Variants in JAZF1 observed in about 807,000 individuals in gnomAD.
The protein encoded by JAZF1 is juxtaposed with another zinc finger protein 1.
A neutral mutation model predicts 26.4 loss-of-function variants in JAZF1; 8 were observed. That is an observed-to-expected ratio of 0.30 (90% CI 0.18 to 0.55). The LOEUF is 0.55. Ranked by LOEUF, JAZF1 falls within the 20% of genes least tolerant of loss-of-function variation. JAZF1 has a pLI of 0.94. For missense variants in JAZF1, 199 were observed against 322.0 expected (o/e 0.62, Z 2.92); for synonymous variants, 126 against 122.3 (o/e 1.03, Z -0.20).
chr7:27,970,031 T>A (rs1562544056), intron 2 of JAZF1, among the ~76,000 whole-genome samples: 1 of 151,490 alleles, frequency 6.6e-6, no homozygotes, highest in African/African-American at 2.4e-5. Context: ...TAAAAAATAG[T>A]GGTAAGAGCA....
chr7:28,013,597 G>C (rs1782835110), intron 1 of JAZF1, among the ~76,000 whole-genome samples: 1 of 152,114 alleles, frequency 6.6e-6, no homozygotes, highest in South Asian at 2.1e-4. Flanking sequence ...CACGCTTCTA[G>C]AACCACGGCA....
intron 1 of JAZF1, among the ~76,000 whole-genome samples, chr7:28,073,254 C>T (rs571691168): frequency 5.3e-5 from 8 of 152,324 alleles, no homozygotes. Context: ...CGGAGCGTGG[C>T]TGGAGACCTG....
At chr7:27,943,477 G>A (rs894058674) in intron 2 of JAZF1, among the ~76,000 whole-genome samples, 4 of 152,176 alleles carry the variant, frequency 2.6e-5, no homozygotes, top group Non-Finnish European at 5.9e-5. Context: ...AAAGGAATGC[G>A]ATCATTTCCG....
At chr7:28,100,248 TA>T (rs1290905524) in intron 1 of JAZF1, among the ~76,000 whole-genome samples, 1 of 152,176 alleles carries the variant, frequency 6.6e-6, no homozygotes, top group East Asian at 1.9e-4. Flanking sequence ...CCAGGATTAC[TA>T]AACCAATACA....
At chr7:28,097,841 C>T (rs1784409082) in intron 1 of JAZF1, among the ~76,000 whole-genome samples, 1 of 152,198 alleles carries the variant, frequency 6.6e-6, no homozygotes, top group African/African-American at 2.4e-5. Context: ...AATGCCATGA[C>T]TCCCAGCAGC....
At chr7:28,174,534 C>T (rs1783519640) in intron 1 of JAZF1, among the ~76,000 whole-genome samples, 1 of 152,188 alleles carries the variant, frequency 6.6e-6, no homozygotes, top group Admixed American at 6.5e-5. Flanking sequence ...TAAAGGAAAC[C>T]ATTTTCTGAA....
chr7:27,893,514 C>T lies in JAZF1; in HGVS notation c.385+1706G>A, dbSNP rs532059646. 3.9e-5 allele frequency among the ~76,000 whole-genome samples: 6 copies of T among 152,322 alleles called. 1 individual carries two copies. The South Asian group carries it at 1.2e-3, about 32-fold the overall frequency. ...GGGGACCTGCCAGGCTGTCCCCCTC[C>T]ATGGAGCCTTTGCAGAATGTTCCCT... On this transcript the variant is annotated intron_variant, in intron 3 of 4. Transcript: ENST00000283928.
chr7:28,002,538 C>G (rs553279930), intron 1 of JAZF1, among the ~76,000 whole-genome samples: 1 of 152,234 alleles, frequency 6.6e-6, no homozygotes, highest in East Asian at 1.9e-4. Context: ...TCCTTTCACC[C>G]TAGGGTTGAA....
intron 2 of JAZF1, among the ~76,000 whole-genome samples, chr7:27,900,591 T>C (rs1317938807): frequency 6.6e-6 from 1 of 152,194 alleles, no homozygotes; most frequent in African/African-American, 2.4e-5. Context: ...CAGTACACCT[T>C]CTAGTGATTA....
intron 1 of JAZF1, among the ~76,000 whole-genome samples, chr7:28,047,153 T>C (rs2128378834): frequency 6.6e-6 from 1 of 152,294 alleles, no homozygotes; most frequent in South Asian, 2.1e-4. Flanking sequence ...ACACTATATA[T>C]TAAATATCCC....
Position 28,000,627 on chromosome 7 carries a change from T to C in JAZF1, c.116-8646A>G, listed in dbSNP as rs1443837156. ...CTTTCTTTCTTTCTTTCTTTCTTTT[T>C]TTTTTTTTTTTTTGAGACAAGAGTC... On this transcript the variant is annotated intron_variant, in intron 1 of 4. Coordinates refer to ENST00000283928, the MANE Select transcript of JAZF1 (RefSeq NM_175061.4). Among the ~76,000 whole-genome samples, 28 of 143,774 alleles carry C rather than the reference T, an allele frequency of 1.9e-4. No homozygotes were observed. The East Asian group carries it at 3.5e-3, about 18-fold the overall frequency. The allele number at this position is 143,774 out of a possible 152,430, so 94.3% of individuals were successfully genotyped here. A position where few individuals can be genotyped will look rare whatever the true frequency, so the allele number is the denominator to read the frequency against.
intron 1 of JAZF1, among the ~76,000 whole-genome samples, chr7:28,117,003 T>C (rs1231780491): frequency 1.3e-5 from 2 of 152,090 alleles, no homozygotes; most frequent in East Asian, 1.9e-4. Flanking sequence ...TTTGCATTTT[T>C]AGTAGAGGCA....
intron 1 of JAZF1, among the ~76,000 whole-genome samples, chr7:28,123,140 A>T (rs182202687): frequency 1.3e-5 from 2 of 151,370 alleles, no homozygotes; most frequent in South Asian, 4.2e-4. Context: ...CCTTTTCTTC[A>T]TTGCTTCCAT....
chr7:28,037,678 T>A (rs1358434728), intron 1 of JAZF1, among the ~76,000 whole-genome samples: 1 of 152,198 alleles, frequency 6.6e-6, no homozygotes, highest in Non-Finnish European at 1.5e-5. Context: ...TGGGCTCAGG[T>A]TGAACACACT....
At chr7:28,069,495 T>C (rs1204921320) in intron 1 of JAZF1, among the ~76,000 whole-genome samples, 1 of 152,158 alleles carries the variant, frequency 6.6e-6, no homozygotes, top group African/African-American at 2.4e-5. Context: ...GCCTGCTCCC[T>C]AGCATTAAGA....
intron 2 of JAZF1, among the ~76,000 whole-genome samples, chr7:27,899,170 A>G (rs188057411): frequency 1.3e-5 from 2 of 152,356 alleles, no homozygotes; most frequent in East Asian, 3.9e-4. Flanking sequence ...CTGTCTGTCA[A>G]AAGGTGGGCA....
intron 1 of JAZF1, among the ~76,000 whole-genome samples, chr7:28,103,740 A>T (rs1441235325): frequency 1.3e-5 from 2 of 151,826 alleles, no homozygotes; most frequent in Non-Finnish European, 2.9e-5. Flanking sequence ...CCACCTTCAC[A>T]ACTACCACCT....
At position 28,100,409 on chromosome 7, in the gene JAZF1, G is replaced by C. The variant is rs1270079220; in HGVS notation, c.115+80054C>G. Among the ~76,000 whole-genome samples, 4 of 151,908 alleles carry C rather than the reference G, an allele frequency of 2.6e-5. No homozygotes were observed. The South Asian group carries it at 8.3e-4, about 32-fold the overall frequency. ...TTTCAAACTACTGATTGTTCAGGTA[G>C]AGCATATATATATACATATATATAT... On this transcript the variant is annotated intron_variant, in intron 1 of 4. Transcript: ENST00000283928.
chr7:27,953,922 C>G lies in JAZF1; in HGVS notation c.188+37987G>C, dbSNP rs569669929. Among the ~76,000 whole-genome samples, 9 of 152,288 alleles carry G rather than the reference C, an allele frequency of 5.9e-5. No individual in the cohort carries two copies. The South Asian group carries it at 1.9e-3, about 32-fold the overall frequency. On this transcript the variant is annotated intron_variant, in intron 2 of 4. Transcript: ENST00000283928. ...TCAGAGAAGCCACAGTGACAGTATT[C>G]ACACTGCCTCAGCATGGCAGATGAA...
Sources: allele counts gnomAD v4.1 joint callset (sites outside exome capture counted in the v4.1 genomes callset), GRCh38; gene constraint gnomAD v4.1.1; transcripts MANE v1.5; gene names NCBI Gene and HGNC (gene_info 2026-07-23, HGNC 2026-07-21).